SYCP2L: variants seen among roughly 807,000 people sequenced by gnomAD.
The protein encoded by SYCP2L is synaptonemal complex protein 2-like.
In SYCP2L, 98 loss-of-function variants were observed where a neutral mutation model predicts 125.8. The observed-to-expected ratio is 0.78, with a 90% CI of 0.66 to 0.92. SYCP2L has a LOEUF of 0.92. SYCP2L is among the 40% of genes least tolerant of loss of function. The pLI is 0.00. For missense variants in SYCP2L, 842 were observed against 936.4 expected (o/e 0.90, Z 1.32); for synonymous variants, 317 against 325.4 (o/e 0.97, Z 0.28).
chr6:10,887,174 G>A, intron 1 of SYCP2L, 39 bp downstream of exon 1: 1 of 1,612,028 alleles, frequency 6.2e-7, no homozygotes, highest in Non-Finnish European at 8.5e-7. Flanking sequence ...TCTGTCCACA[G>A]TGCTAGGGCG....
rs923670740 is a variant in SYCP2L at position 10,954,491 on chromosome 6, C to T, written c.1955-625C>T. ...AGAAAAGGAGGAGTTGAGCATAAAGCCAGGGCTCTGTGAACCATGGTGGTG... is the reference window on the plus strand; with the variant it reads ...AGAAAAGGAGGAGTTGAGCATAAAGTCAGGGCTCTGTGAACCATGGTGGTG... On this transcript the variant is annotated intron_variant, in intron 23 of 29. Transcript: ENST00000283141. This position sits in a 1 kb window ranked among gnomAD's most constrained non-coding sequence, Gnocchi z 4.8. 1.3e-5 allele frequency among the ~76,000 whole-genome samples: 2 copies of T among 152,116 alleles called. No individual in the cohort carries two copies. Among genetic ancestry groups the T allele is most frequent in the Non-Finnish European group, 2.9e-5 (2 of 68,032 alleles).
At chr6:10,949,365 C>T (rs1194759151) in intron 23 of SYCP2L, among the ~76,000 whole-genome samples, 1 of 151,852 alleles carries the variant, frequency 6.6e-6, no homozygotes, top group Non-Finnish European at 1.5e-5. Flanking sequence ...TTTTTAAAAC[C>T]CAGTTATTTA....
Position 10,894,307 on chromosome 6 carries a change from C to T in SYCP2L, c.336+103C>T, listed in dbSNP as rs1479893819. On this transcript the variant is annotated intron_variant, in intron 4 of 29. Coordinates refer to ENST00000283141, the MANE Select transcript of SYCP2L (RefSeq NM_001040274.3). ...TGGTATTTTCTGTTCCTTTGAAATC[C>T]AATTTGAAAAGAAATTGATATCCAT... 2.2e-6 allele frequency: 3 copies of T among 1,392,974 alleles called. No individual in the cohort carries two copies. The African/African-American group carries it at 4.4e-5, about 20-fold the overall frequency. 86.3% of individuals were successfully genotyped at this position (1,392,974 alleles called of 1,614,324 possible). A position where few individuals can be genotyped will look rare whatever the true frequency, so the allele number is the denominator to read the frequency against.
intron 15 of SYCP2L, 51 bp downstream of exon 15, chr6:10,924,692 A>G (rs936837730): frequency 3.5e-6 from 5 of 1,409,754 alleles, no homozygotes; most frequent in Non-Finnish European, 3.7e-6. Flanking sequence ...AGTATGTTTC[A>G]TGTCTATTAA....
intron 1 of SYCP2L, among the ~76,000 whole-genome samples, chr6:10,889,144 G>A (rs1056394980): frequency 1.3e-5 from 2 of 152,214 alleles, no homozygotes; most frequent in Non-Finnish European, 2.9e-5. Flanking sequence ...ACAGGCGTGA[G>A]CCACTGCGCC....
chr6:10,965,823 C>T (rs558069414), intron 29 of SYCP2L, among the ~76,000 whole-genome samples: 1 of 152,254 alleles, frequency 6.6e-6, no homozygotes, highest in East Asian at 1.9e-4. Flanking sequence ...CTTAAAATAA[C>T]CACTCTAGGC....
chr6:10,911,467 A>G (rs932175982), intron 12 of SYCP2L, among the ~76,000 whole-genome samples: 1 of 152,146 alleles, frequency 6.6e-6, no homozygotes, highest in Non-Finnish European at 1.5e-5. Flanking sequence ...CTGTCTTCAG[A>G]ATGTCCTCAT....
intron 23 of SYCP2L, among the ~76,000 whole-genome samples, chr6:10,949,041 A>G (rs1422681033): frequency 1.3e-5 from 2 of 151,958 alleles, no homozygotes; most frequent in East Asian, 3.8e-4. Context: ...TTGACTCTTG[A>G]TAAGTTTTAC....
intron 10 of SYCP2L, among the ~76,000 whole-genome samples, chr6:10,909,116 A>ATTTTTTTTTTTT (rs67767345): frequency 2.1e-5 from 2 of 94,870 alleles, no homozygotes; most frequent in African/African-American, 9.6e-5. Flanking sequence ...TCTCAATTGA[A>ATTTTTTTTTTTT]TTTTTTTTTT....
chr6:10,921,727 A>G (rs1355805601), intron 14 of SYCP2L, among the ~76,000 whole-genome samples: 3 of 145,708 alleles, frequency 2.1e-5, no homozygotes, highest in African/African-American at 2.5e-5. Flanking sequence ...TTTTTTTGAG[A>G]TGGAGTCTCG....
At chr6:10,940,181 TAAC>T (rs1202689119) in intron 21 of SYCP2L, among the ~76,000 whole-genome samples, 3 of 152,218 alleles carry the variant, frequency 2.0e-5, no homozygotes, top group African/African-American at 7.2e-5. Context: ...AGACAGGAGA[TAAC>T]AAGTGTTGGC....
chr6:10,951,512 ATATT>A (rs1342213663), intron 23 of SYCP2L, among the ~76,000 whole-genome samples: 1 of 152,220 alleles, frequency 6.6e-6, no homozygotes, highest in Non-Finnish European at 1.5e-5. Flanking sequence ...TCACAAATAA[ATATT>A]TATTATCAGT....
chr6:10,933,045 T>C (rs1250054656), intron 20 of SYCP2L, among the ~76,000 whole-genome samples: 1 of 152,208 alleles, frequency 6.6e-6, no homozygotes, highest in Non-Finnish European at 1.5e-5. Flanking sequence ...TGAGCCACCG[T>C]GCCTTGCCAC....
intron 9 of SYCP2L, among the ~76,000 whole-genome samples, chr6:10,906,421 AC>A (rs1160908387): frequency 1.3e-5 from 2 of 151,652 alleles, no homozygotes; most frequent in African/African-American, 4.8e-5. Flanking sequence ...TTCTACTTTT[AC>A]TCTGTACATC....
At chr6:10,892,353 G>A (rs1220958642) in intron 2 of SYCP2L, among the ~76,000 whole-genome samples, 2 of 152,212 alleles carry the variant, frequency 1.3e-5, no homozygotes, top group Non-Finnish European at 2.9e-5. Context: ...CAGCTGGAGT[G>A]CAGTGGTACA....
Position 10,935,107 on chromosome 6 carries a change from C to A in SYCP2L, c.1733C>A (p.Thr578Asn). The change falls in exon 21 of 30, where the codon ACC (threonine) becomes AAC (asparagine). Residue 578 changes from threonine (T) to asparagine (N), a missense_variant. Transcript: ENST00000283141. Reference sequence around the variant, plus strand: ...AAAGAAATACCCGAGCAAAATAACACCACATCTCCAAAGACTTCTGAACAA... The same window carrying A: ...AAAGAAATACCCGAGCAAAATAACAACACATCTCCAAAGACTTCTGAACAA... The part of the protein sequence containing the change: ...SEKEIPEQNN[T>N]TSPKTSEQKF... 1 of 1,612,746 alleles carries A rather than the reference C, an allele frequency of 6.2e-7. No individual in the cohort carries two copies. Among genetic ancestry groups the A allele is most frequent in the Non-Finnish European group, 8.5e-7 (1 of 1,179,422 alleles).
At chr6:10,906,387 T>C (rs1780488120) in intron 9 of SYCP2L, among the ~76,000 whole-genome samples, 3 of 152,164 alleles carry the variant, frequency 2.0e-5, no homozygotes, top group Non-Finnish European at 4.4e-5. Flanking sequence ...GACTCAGATT[T>C]GTTTTTCGTT....
intron 26 of SYCP2L, among the ~76,000 whole-genome samples, chr6:10,961,066 G>A (rs1433306495): frequency 7.3e-6 from 1 of 137,736 alleles, no homozygotes; most frequent in African/African-American, 2.8e-5. Context: ...CAACAAGAGT[G>A]AAACTCCATC....
intron 21 of SYCP2L, 26 bp from the exon 22 acceptor site, chr6:10,942,433 A>G: frequency 6.8e-7 from 1 of 1,478,022 alleles, no homozygotes; most frequent in Non-Finnish European, 9.1e-7. Context: ...GCGTGTATTC[A>G]CTTGAAACTT....
Sources: allele counts gnomAD v4.1 joint callset (sites outside exome capture counted in the v4.1 genomes callset), GRCh38; gene constraint gnomAD v4.1.1; non-coding constraint Gnocchi (gnomAD v3.1); transcripts MANE v1.5; gene names NCBI Gene and HGNC (gene_info 2026-07-23, HGNC 2026-07-21).